Variants in KDM4C observed in about 807,000 individuals in gnomAD.
KDM4C encodes the protein lysine-specific demethylase 4C.
In KDM4C, 81 loss-of-function variants were observed where a neutral mutation model predicts 129.3. The ratio of observed to expected loss-of-function variants is 0.63; its 90% CI spans 0.52 to 0.75. The LOEUF (loss-of-function observed/expected upper bound fraction) is 0.75. Among genes scored for constraint, KDM4C ranks in the 30% least tolerant of loss-of-function variants. KDM4C has a pLI of 0.00. For missense variants in KDM4C, 1,457 were observed against 1,304.0 expected (o/e 1.12, Z -1.81); for synonymous variants, 573 against 456.1 (o/e 1.26, Z -3.26).
chr9:6,737,553 A>G (rs528437463), intron 1 of KDM4C, among the ~76,000 whole-genome samples: 54 of 151,036 alleles, frequency 3.6e-4, no homozygotes, highest in Non-Finnish European at 2.4e-4. Context: ...AATCCCAGTT[A>G]CTTGGGAGCC....
At chr9:6,858,231 T>A (rs1338380345) in intron 5 of KDM4C, among the ~76,000 whole-genome samples, 1 of 150,570 alleles carries the variant, frequency 6.6e-6, no homozygotes, top group Non-Finnish European at 1.5e-5. Context: ...TTTGCTTATT[T>A]TGTTATTAGC....
At chr9:7,158,722 C>G (rs555557236) in intron 19 of KDM4C, among the ~76,000 whole-genome samples, 34 of 152,300 alleles carry the variant, frequency 2.2e-4, no homozygotes, top group African/African-American at 7.5e-4. Flanking sequence ...ACAGTGATTT[C>G]TGTGCTTTTA....
chr9:6,958,294 A>G (rs1179486000), intron 8 of KDM4C, among the ~76,000 whole-genome samples: 1 of 152,150 alleles, frequency 6.6e-6, no homozygotes, highest in Non-Finnish European at 1.5e-5. Flanking sequence ...TAAGAATTAT[A>G]TCACATTGAG....
chr9:6,975,011 T>G (rs1832698363), intron 8 of KDM4C: 1 of 152,210 alleles, frequency 6.6e-6, no homozygotes, highest in African/African-American at 2.4e-5. Flanking sequence ...AGCAAACTAT[T>G]TGAATCCATT....
intron 3 of KDM4C, among the ~76,000 whole-genome samples, chr9:6,807,499 A>C: frequency 8.2e-6 from 1 of 122,208 alleles, no homozygotes; most frequent in Non-Finnish European, 1.7e-5. Flanking sequence ...CCGGCCGCCC[A>C]TCGTCTGAGA....
intron 21 of KDM4C, 127 bp downstream of exon 21, chr9:7,170,017 A>C (rs376855786): frequency 7.4e-5 from 114 of 1,549,352 alleles, no homozygotes; most frequent in Middle Eastern, 1.8e-4. Context: ...CCAATGCAAC[A>C]TTTTCCTTAG....
intron 16 of KDM4C, 83 bp downstream of exon 16, chr9:7,047,000 C>T: frequency 1.0e-6 from 1 of 966,700 alleles, no homozygotes; most frequent in Admixed American, 1.8e-5. Flanking sequence ...CGCTTTACCT[C>T]TCATTGTACA....
At chr9:7,056,062 C>T (rs1339594126) in intron 17 of KDM4C, among the ~76,000 whole-genome samples, 2 of 152,132 alleles carry the variant, frequency 1.3e-5, no homozygotes, top group African/African-American at 4.8e-5. Flanking sequence ...TTTTTAAAGA[C>T]AGAGAAGTTC....
intron 8 of KDM4C, among the ~76,000 whole-genome samples, chr9:6,937,247 C>T (rs1824980954): frequency 6.6e-6 from 1 of 152,166 alleles, no homozygotes; most frequent in Non-Finnish European, 1.5e-5. Context: ...GTTCGTTTTT[C>T]TTGCAGAATT....
chr9:6,768,945 G>A (rs1010742164), intron 1 of KDM4C, among the ~76,000 whole-genome samples: 6 of 151,832 alleles, frequency 4.0e-5, no homozygotes, highest in Non-Finnish European at 7.4e-5. Context: ...GGTAATTTTT[G>A]TATTTTTAGT....
At chr9:6,958,767 C>T (rs559736355) in intron 8 of KDM4C, among the ~76,000 whole-genome samples, 139 of 148,922 alleles carry the variant, frequency 9.3e-4, no homozygotes, top group African/African-American at 3.4e-3. Context: ...TCACTGCAAC[C>T]TCCATCTCCT....
chr9:7,009,214 C>T (rs1007553011), intron 12 of KDM4C, among the ~76,000 whole-genome samples: 1 of 152,140 alleles, frequency 6.6e-6, no homozygotes, highest in African/African-American at 2.4e-5. Flanking sequence ...GAGAACCAAA[C>T]ATATTCTGGA....
chr9:6,744,351 G>C (rs765544533), intron 1 of KDM4C, among the ~76,000 whole-genome samples: 1 of 151,858 alleles, frequency 6.6e-6, no homozygotes, highest in Admixed American at 6.6e-5. Context: ...TGGTGAAACC[G>C]CATCTCTACT....
intron 17 of KDM4C, among the ~76,000 whole-genome samples, chr9:7,082,470 G>A (rs534689271): frequency 1.3e-5 from 2 of 152,202 alleles, no homozygotes; most frequent in Admixed American, 1.3e-4. Context: ...GAGCCTTTCA[G>A]TTTGGGTCCT....
At chr9:6,923,247 T>G (rs1821870572) in intron 8 of KDM4C, among the ~76,000 whole-genome samples, 1 of 151,834 alleles carries the variant, frequency 6.6e-6, no homozygotes. Context: ...TTTTTTAATC[T>G]TAAAAAAATT....
intron 15 of KDM4C, among the ~76,000 whole-genome samples, chr9:7,031,277 C>T (rs1262847819): frequency 1.3e-5 from 2 of 151,926 alleles, no homozygotes; most frequent in South Asian, 2.1e-4. Context: ...GTTCTCTTGC[C>T]TCAGCCTCCT....
At chr9:6,943,024 C>G (rs1285792878) in intron 8 of KDM4C, among the ~76,000 whole-genome samples, 1 of 152,008 alleles carries the variant, frequency 6.6e-6, no homozygotes, top group East Asian at 1.9e-4. Context: ...TGCCACCTTG[C>G]CCGCATAATT....
intron 18 of KDM4C, among the ~76,000 whole-genome samples, chr9:7,122,263 ACACTCTCTCT>A (rs916229280): frequency 2.8e-5 from 4 of 144,936 alleles, no homozygotes; most frequent in Non-Finnish European, 4.5e-5. Flanking sequence ...ACACACACAC[ACACTCTCTCT>A]CTCTCTCTCT....
intron 5 of KDM4C, among the ~76,000 whole-genome samples, chr9:6,858,081 A>G (rs1297206443): frequency 1.3e-5 from 2 of 151,964 alleles, no homozygotes; most frequent in African/African-American, 2.4e-5. Context: ...TTGGCTTCCC[A>G]AAGTCCTGGA....
Sources: allele counts gnomAD v4.1 joint callset (sites outside exome capture counted in the v4.1 genomes callset), GRCh38; gene constraint gnomAD v4.1.1; transcripts MANE v1.5; gene names NCBI Gene and HGNC (gene_info 2026-07-23, HGNC 2026-07-21).